AKAP19: variants seen among roughly 807,000 people sequenced by gnomAD.
The protein encoded by AKAP19 is A-kinase anchoring protein 19.
chr2:190,176,900 G>A, the AKAP19 span, among the ~76,000 whole-genome samples: 1 of 152,286 alleles, frequency 6.6e-6, no homozygotes, highest in East Asian at 1.9e-4. The surrounding 1 kb of genome is among the most constrained non-coding windows in gnomAD (Gnocchi z 4.7). Flanking sequence ...TTTTGGAGAG[G>A]CCATTTTAGA....
chr2:190,007,991 G>A, the AKAP19 span, among the ~76,000 whole-genome samples: 3 of 152,140 alleles, frequency 2.0e-5, no homozygotes, highest in Non-Finnish European at 4.4e-5. Context: ...AAGGCTTACA[G>A]CAATCCTTTC....
the AKAP19 span, among the ~76,000 whole-genome samples, chr2:189,951,807 T>G: frequency 2.6e-5 from 4 of 152,194 alleles, no homozygotes; most frequent in African/African-American, 9.7e-5. Context: ...TAAGAATTAT[T>G]TTGAGCTGAA....
chr2:190,046,775 G>A, the AKAP19 span, among the ~76,000 whole-genome samples: 1 of 152,172 alleles, frequency 6.6e-6, no homozygotes, highest in Non-Finnish European at 1.5e-5. Context: ...AGTTATGATA[G>A]TACTTTCTAC....
the AKAP19 span, among the ~76,000 whole-genome samples, chr2:190,140,489 T>A: frequency 6.6e-6 from 1 of 152,122 alleles, no homozygotes; most frequent in African/African-American, 2.4e-5. Flanking sequence ...TAGGCAGAGG[T>A]TCCCAAACCT....
chr2:190,023,176 T>G, the AKAP19 span, among the ~76,000 whole-genome samples: 5 of 152,188 alleles, frequency 3.3e-5, no homozygotes, highest in Non-Finnish European at 7.4e-5. Flanking sequence ...TACTACTTTT[T>G]TATGCTATAT....
the AKAP19 span, among the ~76,000 whole-genome samples, chr2:190,194,344 TTTAAG>T: frequency 6.6e-6 from 1 of 152,156 alleles, no homozygotes; most frequent in African/African-American, 2.4e-5. Context: ...GTTTGTCAGT[TTTAAG>T]TTGTGTATCT....
At chr2:190,058,361 A>T in the AKAP19 span, among the ~76,000 whole-genome samples, 6 of 152,024 alleles carry the variant, frequency 3.9e-5, no homozygotes, top group Admixed American at 2.0e-4. Context: ...AATTCTACCT[A>T]TAAAAAGGAA....
chr2:189,982,831 C>T, the AKAP19 span, among the ~76,000 whole-genome samples: 1 of 152,212 alleles, frequency 6.6e-6, no homozygotes, highest in South Asian at 2.1e-4. Flanking sequence ...TTCTCAGATG[C>T]TGCTTGTTGT....
chr2:190,189,348 GA>G, the AKAP19 span, among the ~76,000 whole-genome samples: 2 of 152,154 alleles, frequency 1.3e-5, no homozygotes, highest in African/African-American at 4.8e-5. Flanking sequence ...CTGGAATTCG[GA>G]GTGACAGCTC....
At chr2:189,923,525 C>T in the AKAP19 span, 18 of 1,613,800 alleles carry the variant, frequency 1.1e-5, no homozygotes, top group Non-Finnish European at 1.4e-5. Flanking sequence ...GAGAAATGCC[C>T]GGGCTGCTGT....
chr2:190,005,055 T>C, the AKAP19 span, among the ~76,000 whole-genome samples: 1 of 152,204 alleles, frequency 6.6e-6, no homozygotes, highest in South Asian at 2.1e-4. Flanking sequence ...AGATGTGTCC[T>C]GAGTTCTTTC....
At chr2:190,180,811 G>GC in the AKAP19 span, 2 of 985,194 alleles carry the variant, frequency 2.0e-6, no homozygotes, top group African/African-American at 3.5e-5. The surrounding 1 kb of genome is among the most constrained non-coding windows in gnomAD (Gnocchi z 6.8). Context: ...GGCGGCGACG[G>GC]CAGGAGGAGG....
chr2:189,892,475 C>T, the AKAP19 span, among the ~76,000 whole-genome samples: 1 of 152,242 alleles, frequency 6.6e-6, no homozygotes, highest in Admixed American at 6.5e-5. Context: ...GTTAGTTTTC[C>T]TTCTAACAGG....
At chr2:189,888,831 G>T in the AKAP19 span, among the ~76,000 whole-genome samples, 1 of 152,184 alleles carries the variant, frequency 6.6e-6, no homozygotes, top group Non-Finnish European at 1.5e-5. Flanking sequence ...TCAGCTTAAG[G>T]AGATTTTGAG....
At chr2:190,078,504 A>C in the AKAP19 span, among the ~76,000 whole-genome samples, 3 of 152,340 alleles carry the variant, frequency 2.0e-5, no homozygotes, top group East Asian at 5.8e-4. Flanking sequence ...CCTTAAAAAT[A>C]AGAAGGTTAA....
chr2:189,916,320 CT>C, the AKAP19 span, among the ~76,000 whole-genome samples: 1 of 124,364 alleles, frequency 8.0e-6, no homozygotes, highest in Non-Finnish European at 1.6e-5. Context: ...CTTCCTTTTT[CT>C]TTTTCTTCTT....
the AKAP19 span, among the ~76,000 whole-genome samples, chr2:189,905,448 C>T: frequency 6.6e-6 from 1 of 152,006 alleles, no homozygotes; most frequent in African/African-American, 2.4e-5. Context: ...CTGCCACACA[C>T]ATTGAAGTCT....
the AKAP19 span, among the ~76,000 whole-genome samples, chr2:190,152,899 C>CTTT: frequency 3.5e-5 from 5 of 143,840 alleles, no homozygotes; most frequent in African/African-American, 5.1e-5. Flanking sequence ...CCCATTCTTT[C>CTTT]TTTTTTTTTT....
the AKAP19 span, among the ~76,000 whole-genome samples, chr2:190,086,164 A>T: frequency 6.6e-6 from 1 of 152,248 alleles, no homozygotes; most frequent in East Asian, 1.9e-4. Flanking sequence ...TAACATACAC[A>T]TAGATTAGAC....
Sources: allele counts gnomAD v4.1 joint callset (sites outside exome capture counted in the v4.1 genomes callset), GRCh38; gene constraint gnomAD v4.1.1; non-coding constraint Gnocchi (gnomAD v3.1); transcripts MANE v1.5; gene names NCBI Gene and HGNC (gene_info 2026-07-23, HGNC 2026-07-21).